Variants in FAM178B observed in about 807,000 individuals in gnomAD.
FAM178B encodes the protein protein FAM178B.
FAM178B carries 82 observed loss-of-function variants against 91.7 expected under a neutral mutation model. That is an observed-to-expected ratio of 0.89 (90% CI 0.75 to 1.07). The LOEUF (loss-of-function observed/expected upper bound fraction) is 1.07, where lower values mean the gene tolerates loss of function less well. Among genes scored for constraint, FAM178B ranks in the 50% least tolerant of loss-of-function variants. The probability of loss-of-function intolerance (pLI) is 0.00; values close to 1 mark genes in which losing one functional copy is unlikely to be tolerated. For synonymous variants in FAM178B, 368 were observed against 359.4 expected, an observed-to-expected ratio of 1.02 and a Z score of -0.27; for missense variants, 769 against 846.7, an observed-to-expected ratio of 0.91 and a Z score of 1.14.
chr2:96,972,376 A>G (rs2153375805), intron 2 of FAM178B, 54 bp from the exon 3 acceptor site: 1 of 1,468,360 alleles, frequency 6.8e-7, no homozygotes, highest in East Asian at 2.5e-5. Context: ...ACTGTCCCAG[A>G]CGTCAAGCCA....
chr2:96,914,191 T>A (rs939776373), intron 12 of FAM178B, among the ~76,000 whole-genome samples: 1 of 152,132 alleles, frequency 6.6e-6, no homozygotes, highest in African/African-American at 2.4e-5. Flanking sequence ...CTGGTCCTGG[T>A]AGTCCGTGGA....
At chr2:96,911,058 G>A (rs996477274) in intron 12 of FAM178B, among the ~76,000 whole-genome samples, 1 of 152,076 alleles carries the variant, frequency 6.6e-6, no homozygotes, top group African/African-American at 2.4e-5. Flanking sequence ...GTGAGCCACC[G>A]TGCCTGGCCC....
At chr2:96,970,138 T>C (rs773204588) in intron 4 of FAM178B, among the ~76,000 whole-genome samples, 2 of 152,086 alleles carry the variant, frequency 1.3e-5, no homozygotes, top group South Asian at 4.1e-4. Flanking sequence ...TGCACCTCCC[T>C]AGGGATTTCC....
chr2:96,950,618 C>T (rs923236646), intron 7 of FAM178B, among the ~76,000 whole-genome samples: 4 of 152,186 alleles, frequency 2.6e-5, no homozygotes, highest in Admixed American at 6.5e-5. Context: ...TGGGTGGGGA[C>T]CAAGGCCAGG....
chr2:96,965,914 T>A (rs1441078121), intron 5 of FAM178B, among the ~76,000 whole-genome samples: 2 of 151,986 alleles, frequency 1.3e-5, no homozygotes, highest in Non-Finnish European at 2.9e-5. Context: ...ACACCCAGAA[T>A]TTGCCCACTC....
At chr2:96,914,850 A>G (rs1156498282) in intron 12 of FAM178B, among the ~76,000 whole-genome samples, 2 of 152,210 alleles carry the variant, frequency 1.3e-5, no homozygotes, top group Non-Finnish European at 2.9e-5. Context: ...GGATGGCACC[A>G]CTGCACTCCT....
At chr2:96,892,853 C>T (rs939235210) in intron 14 of FAM178B, among the ~76,000 whole-genome samples, 1 of 152,180 alleles carries the variant, frequency 6.6e-6, no homozygotes, top group African/African-American at 2.4e-5. Context: ...ATAACCAGCC[C>T]ATAACCAGCT....
At chr2:96,942,030 T>C (rs1366420346) in intron 8 of FAM178B, among the ~76,000 whole-genome samples, 2 of 152,222 alleles carry the variant, frequency 1.3e-5, no homozygotes, top group Non-Finnish European at 2.9e-5. Flanking sequence ...TTCAGCAGGT[T>C]AATATATACA....
intron 5 of FAM178B, among the ~76,000 whole-genome samples, chr2:96,964,403 T>C (rs780100559): frequency 1.3e-5 from 2 of 152,084 alleles, no homozygotes; most frequent in Non-Finnish European, 2.9e-5. Flanking sequence ...ACTTCGCCCA[T>C]GTGGTGCTTA....
intron 13 of FAM178B, among the ~76,000 whole-genome samples, chr2:96,895,933 G>A (rs1286784111): frequency 1.3e-4 from 20 of 152,354 alleles, no homozygotes; most frequent in African/African-American, 4.1e-4. Context: ...TCTGGGAGGC[G>A]GCCAGGGCTT....
At chr2:96,978,370 G>A (rs1008418439) in intron 1 of FAM178B, among the ~76,000 whole-genome samples, 4 of 152,078 alleles carry the variant, frequency 2.6e-5, no homozygotes, top group African/African-American at 9.7e-5. Flanking sequence ...GTGAGGTTTC[G>A]GCTTTTAGTG....
At chr2:96,971,659 C>T (rs1367161144) in intron 3 of FAM178B, among the ~76,000 whole-genome samples, 2 of 152,158 alleles carry the variant, frequency 1.3e-5, no homozygotes, top group Admixed American at 6.6e-5. Context: ...AATTTGTTGC[C>T]ACCCAAAGCC....
intron 13 of FAM178B, among the ~76,000 whole-genome samples, chr2:96,900,159 G>A (rs1377220381): frequency 2.6e-5 from 4 of 152,110 alleles, no homozygotes; most frequent in Non-Finnish European, 4.4e-5. Flanking sequence ...TCCACTCTGC[G>A]CTGGGCCTGT....
At chr2:96,914,657 G>T (rs2081212558) in intron 12 of FAM178B, among the ~76,000 whole-genome samples, 1 of 152,220 alleles carries the variant, frequency 6.6e-6, no homozygotes, top group African/African-American at 2.4e-5. Flanking sequence ...GGGAAGCCAA[G>T]GTGGGAGGAT....
chr2:96,895,171 C>T (rs1029055408), intron 13 of FAM178B: 23 of 1,211,518 alleles, frequency 1.9e-5, no homozygotes, highest in African/African-American at 1.2e-4. Context: ...GCAAATACAT[C>T]GTATCGTTTT....
At chr2:96,930,971 TG>T (rs1483643530) in intron 8 of FAM178B, among the ~76,000 whole-genome samples, 1 of 152,180 alleles carries the variant, frequency 6.6e-6, no homozygotes, top group Admixed American at 6.5e-5. Flanking sequence ...ACCTTGATCT[TG>T]GACTTCCCAG....
chr2:96,907,196 G>A (rs952913115), intron 12 of FAM178B, among the ~76,000 whole-genome samples: 12 of 152,270 alleles, frequency 7.9e-5, no homozygotes, highest in African/African-American at 1.4e-4. Context: ...GGCCCTCCCC[G>A]CCTTTTAAAC....
At chr2:96,938,554 G>C (rs1373285461) in intron 8 of FAM178B, among the ~76,000 whole-genome samples, 1 of 152,216 alleles carries the variant, frequency 6.6e-6, no homozygotes, top group African/African-American at 2.4e-5. Flanking sequence ...GATCAGAGCA[G>C]CTATCTGGAA....
At chr2:96,952,730 G>C (rs1051387582) in intron 6 of FAM178B, among the ~76,000 whole-genome samples, 1 of 152,130 alleles carries the variant, frequency 6.6e-6, no homozygotes, top group Non-Finnish European at 1.5e-5. Flanking sequence ...ATTCTCCTAC[G>C]TCCTGCGCAT....
Sources: allele counts gnomAD v4.1 joint callset (sites outside exome capture counted in the v4.1 genomes callset), GRCh38; gene constraint gnomAD v4.1.1; transcripts MANE v1.5; gene names NCBI Gene and HGNC (gene_info 2026-07-23, HGNC 2026-07-21).